Variants in KPNA6 observed in about 807,000 individuals in gnomAD.
The protein encoded by KPNA6 is importin subunit alpha-7.
KPNA6 carries 9 observed loss-of-function variants against 72.0 expected under a neutral mutation model. The ratio of observed to expected loss-of-function variants is 0.13; its 90% CI spans 0.08 to 0.22. The LOEUF is 0.22. Ranked by LOEUF, KPNA6 falls within the 10% of genes least tolerant of loss-of-function variation. KPNA6 has a pLI of 1.00. For missense variants in KPNA6, 374 were observed against 655.7 expected, an observed-to-expected ratio of 0.57 and a Z score of 4.69; for synonymous variants, 219 against 242.1, an observed-to-expected ratio of 0.90 and a Z score of 0.89.
chr1:32,162,641 C>G, intron 9 of KPNA6, 117 bp downstream of exon 9: 1 of 1,050,408 alleles, frequency 9.5e-7, no homozygotes, highest in South Asian at 1.4e-5. Context: ...TCGAGACCAG[C>G]CTGACCAACA....
At chr1:32,140,921 G>C (rs989192328) in intron 1 of KPNA6, among the ~76,000 whole-genome samples, 1 of 152,156 alleles carries the variant, frequency 6.6e-6, no homozygotes, top group Non-Finnish European at 1.5e-5. Flanking sequence ...ACTGGGCCAG[G>C]TAAGATTTGG....
At chr1:32,119,365 G>A (rs1333854536) in intron 1 of KPNA6, among the ~76,000 whole-genome samples, 2 of 151,922 alleles carry the variant, frequency 1.3e-5, no homozygotes, top group Non-Finnish European at 2.9e-5. Context: ...AAATTTACTA[G>A]TCTTTGTCTT....
Position 32,171,623 on chromosome 1 carries a change from A to G in KPNA6, c.*729A>G, listed in dbSNP as rs774344522. 2 of 152,000 alleles carry G rather than the reference A, an allele frequency of 1.3e-5. No individual in the cohort carries two copies. Among genetic ancestry groups the G allele is most frequent in the Non-Finnish European group, 2.9e-5 (2 of 68,012 alleles). The allele number at this position is 152,000 out of a possible 1,614,324, so 9.4% of individuals were successfully genotyped here. On this transcript the variant is annotated 3_prime_UTR_variant, in exon 14 of 14. Coordinates refer to ENST00000373625, the MANE Select transcript of KPNA6 (RefSeq NM_012316.5). ...TCTGACTCTTTGCCCAGACCTCTTT[A>G]GTTTGGGGGATCCTCCTCACTCTCC... is the stretch of plus-strand genomic sequence containing the variant.
chr1:32,132,763 C>T (rs1205063861), intron 1 of KPNA6, among the ~76,000 whole-genome samples: 2 of 152,048 alleles, frequency 1.3e-5, no homozygotes, highest in African/African-American at 2.4e-5. Flanking sequence ...ATTAGCCGGG[C>T]GTGGTGGCAG....
chr1:32,153,661 A>C (rs1218336570), intron 1 of KPNA6, among the ~76,000 whole-genome samples: 1 of 152,138 alleles, frequency 6.6e-6, no homozygotes, highest in Non-Finnish European at 1.5e-5. Flanking sequence ...TAATAACAAC[A>C]TGAAATCTAA....
chr1:32,113,500 G>A (rs1641275378), intron 1 of KPNA6, among the ~76,000 whole-genome samples: 1 of 152,112 alleles, frequency 6.6e-6, no homozygotes, highest in South Asian at 2.1e-4. Flanking sequence ...CACACAGGCT[G>A]GAATGCAGTG....
Position 32,174,088 on chromosome 1 carries a change from A to G in KPNA6, c.*3194A>G, listed in dbSNP as rs1642485933. 2 of 152,252 alleles carry G rather than the reference A, an allele frequency of 1.3e-5. No homozygotes were observed. The highest frequency in any genetic ancestry group is 2.4e-5 in the African/African-American group (1 of 41,452). The allele number at this position is 152,252 out of a possible 1,614,324, so 9.4% of individuals were successfully genotyped here. ...ACTGCCTGGCCTTGATGTTGGCTGC[A>G]GCCTTCTGATAGAACCACATGGATT... On this transcript the variant is annotated 3_prime_UTR_variant, in exon 14 of 14. Transcript: ENST00000373625.
chr1:32,134,078 A>T (rs1476787423), intron 1 of KPNA6, among the ~76,000 whole-genome samples: 1 of 151,702 alleles, frequency 6.6e-6, no homozygotes, highest in African/African-American at 2.4e-5. Flanking sequence ...CCTCGTCTCT[A>T]CTAAAAATAC....
intron 1 of KPNA6, among the ~76,000 whole-genome samples, chr1:32,150,759 TG>T (rs1312336511): frequency 1.3e-5 from 2 of 152,134 alleles, no homozygotes; most frequent in East Asian, 1.9e-4. Context: ...CCCGAGTAGC[TG>T]GGACTACAGG....
In KPNA6 at chr1:32,128,390, TATATA is replaced by T. The variant is rs1557462555; in HGVS notation, c.4+20257_4+20261del. Among the ~76,000 whole-genome samples, 82 of 36,830 alleles carry T rather than the reference TATATA, an allele frequency of 2.2e-3. 1 individual carries two copies. In the East Asian group the frequency reaches 0.045, roughly 20 times the overall value. 24.2% of individuals were successfully genotyped at this position (36,830 alleles called of 152,430 possible). A position where few individuals can be genotyped will look rare whatever the true frequency, so the allele number is the denominator to read the frequency against. Reference sequence around the variant, plus strand: ...ATTTTTTATATTATATATGTATTTATATATATATATATATATATATATATATATAT... The same window carrying T: ...ATTTTTTATATTATATATGTATTTATTATATATATATATATATATATATAT... On this transcript the variant is annotated intron_variant, in intron 1 of 13. Coordinates refer to ENST00000373625, the MANE Select transcript of KPNA6 (RefSeq NM_012316.5).
intron 1 of KPNA6, 99 bp from the exon 2 acceptor site, chr1:32,154,489 A>G: frequency 7.7e-7 from 1 of 1,292,082 alleles, no homozygotes; most frequent in Non-Finnish European, 1.1e-6. Context: ...TATTCCCCCC[A>G]GAGTAGGGGA....
At chr1:32,132,516 C>T (rs983579359) in intron 1 of KPNA6, among the ~76,000 whole-genome samples, 11 of 152,318 alleles carry the variant, frequency 7.2e-5, no homozygotes, top group African/African-American at 2.2e-4. Context: ...TCTCAAACTC[C>T]TGGGCTCAAG....
chr1:32,138,500 G>A (rs1474237069), intron 1 of KPNA6, among the ~76,000 whole-genome samples: 5 of 141,678 alleles, frequency 3.5e-5, no homozygotes, highest in South Asian at 4.5e-4. Context: ...CCGAGATCGC[G>A]CCATTGCACT....
In KPNA6 at chr1:32,113,516, A is replaced by G. The variant is rs563791012; in HGVS notation, c.4+5382A>G. Reference sequence around the variant, plus strand: ...ACACAGGCTGGAATGCAGTGGTGCTATCAACAGCTCACTACAGCCTTGAAT... The same window carrying G: ...ACACAGGCTGGAATGCAGTGGTGCTGTCAACAGCTCACTACAGCCTTGAAT... On this transcript the variant is annotated intron_variant, in intron 1 of 13. Coordinates refer to ENST00000373625, the MANE Select transcript of KPNA6 (RefSeq NM_012316.5). Among the ~76,000 whole-genome samples the G allele has an allele frequency of 1.8e-4, 28 of 152,260 alleles. No homozygotes were observed. In the South Asian group the frequency reaches 5.6e-3, roughly 30 times the overall value.
chr1:32,161,757 C>A (rs939667637), intron 7 of KPNA6, among the ~76,000 whole-genome samples, 190 bp from the exon 8 acceptor site: 4 of 152,162 alleles, frequency 2.6e-5, no homozygotes, highest in African/African-American at 9.7e-5. Context: ...CACAGCTGGT[C>A]CTGAAATGAA....
At position 32,159,466 on chromosome 1, in the gene KPNA6, G is replaced by A. The variant is rs1207356546; in HGVS notation, c.493G>A (p.Glu165Lys). The A allele has an allele frequency of 6.2e-7, 1 of 1,614,180 alleles. No homozygotes were observed. The highest frequency in any genetic ancestry group is 2.2e-5 in the East Asian group (1 of 44,884). ...GTSQQTKIVIEAGAVPIFIEL... is the reference protein window; with the variant it reads ...GTSQQTKIVIKAGAVPIFIEL... ...CTCTCAGCAGACCAAAATTGTCATTGAAGCAGGGGCTGTCCCCATTTTTAT... is the reference window on the plus strand; with the variant it reads ...CTCTCAGCAGACCAAAATTGTCATTAAAGCAGGGGCTGTCCCCATTTTTAT... Residue 165 changes from glutamate to lysine, a missense_variant, in exon 6 of 14, where the codon GAA becomes AAA. Transcript: ENST00000373625.
At chr1:32,159,901 GATAAAGATACAACTTCC>G (rs1482721641) in intron 6 of KPNA6, among the ~76,000 whole-genome samples, 7 of 152,204 alleles carry the variant, frequency 4.6e-5, no homozygotes, top group African/African-American at 1.7e-4. Context: ...AAATCATGGA[GATAAAGATACAACTTCC>G]ATTTCTCCCA....
chr1:32,157,148 G>A (rs1275052689), intron 3 of KPNA6, among the ~76,000 whole-genome samples, 198 bp from the exon 4 acceptor site: 1 of 152,194 alleles, frequency 6.6e-6, no homozygotes, highest in African/African-American at 2.4e-5. Context: ...GAAGCCATCA[G>A]TTGCCTCAGA....
intron 9 of KPNA6, among the ~76,000 whole-genome samples, chr1:32,162,972 C>A (rs1050401400): frequency 2.6e-5 from 4 of 151,116 alleles, no homozygotes; most frequent in African/African-American, 9.7e-5. Context: ...GGCGTGGTGG[C>A]GGGCACCTGT....
Sources: allele counts gnomAD v4.1 joint callset (sites outside exome capture counted in the v4.1 genomes callset), GRCh38; gene constraint gnomAD v4.1.1; transcripts MANE v1.5; gene names NCBI Gene and HGNC (gene_info 2026-07-23, HGNC 2026-07-21).